WWOX: variants seen among roughly 807,000 people sequenced by gnomAD.
WWOX encodes the protein WW domain-containing oxidoreductase.
In WWOX, 69 loss-of-function variants were observed where a neutral mutation model predicts 46.2. The observed-to-expected ratio is 1.49, with a 90% confidence interval of 1.23 to 1.82. The LOEUF (loss-of-function observed/expected upper bound fraction) is 1.82. WWOX is among the 40% of genes most tolerant of loss of function. The pLI is 0.00. For missense variants in WWOX, 919 were observed against 542.6 expected (o/e 1.69, Z -6.89); for synonymous variants, 359 against 202.6 (o/e 1.77, Z -6.56).
intron 8 of WWOX, among the ~76,000 whole-genome samples, chr16:78,649,956 T>C (rs73565252): frequency 0.058 from 8,820 of 152,308 alleles, 299 homozygotes; most frequent in Non-Finnish European, 0.077. Flanking sequence ...GATTCATTTC[T>C]CTTATCTGTA....
chr16:78,787,049 G>A (rs2050474977), intron 8 of WWOX, among the ~76,000 whole-genome samples: 1 of 152,188 alleles, frequency 6.6e-6, no homozygotes, highest in African/African-American at 2.4e-5. Context: ...TCAGGAGGCT[G>A]AGGCAGGAGA....
At chr16:78,584,259 G>T (rs1427719068) in intron 8 of WWOX, among the ~76,000 whole-genome samples, 2 of 152,174 alleles carry the variant, frequency 1.3e-5, no homozygotes, top group Non-Finnish European at 2.9e-5. Flanking sequence ...AACATTGTAA[G>T]AAGTGCTTTA....
intron 8 of WWOX, among the ~76,000 whole-genome samples, chr16:78,630,553 AT>A (rs1423706104): frequency 6.6e-6 from 1 of 152,174 alleles, no homozygotes; most frequent in Non-Finnish European, 1.5e-5. Context: ...TTCACAGCTC[AT>A]TTCTGGGGGA....
At chr16:78,437,265 G>T (rs767589577) in intron 8 of WWOX, among the ~76,000 whole-genome samples, 1 of 152,166 alleles carries the variant, frequency 6.6e-6, no homozygotes, top group African/African-American at 2.4e-5. Context: ...GGTGATTTTA[G>T]TTACAGTAAT....
At chr16:78,440,964 A>T (rs967325061) in intron 8 of WWOX, among the ~76,000 whole-genome samples, 3 of 150,982 alleles carry the variant, frequency 2.0e-5, no homozygotes, top group Non-Finnish European at 4.4e-5. Context: ...TTTTTTTGAG[A>T]TGAAGTCTTG....
chr16:78,492,961 A>C (rs1211048589), intron 8 of WWOX, among the ~76,000 whole-genome samples: 1 of 152,160 alleles, frequency 6.6e-6, no homozygotes, highest in African/African-American at 2.4e-5. Flanking sequence ...TACTACTCCA[A>C]GTAGTCATTA....
At chr16:78,948,605 C>T (rs1232951585) in intron 8 of WWOX, among the ~76,000 whole-genome samples, 1 of 152,012 alleles carries the variant, frequency 6.6e-6, no homozygotes. Flanking sequence ...CCTTGTGGTC[C>T]TGCTTGTCTG....
At chr16:78,839,382 A>C (rs2052077681) in intron 8 of WWOX, among the ~76,000 whole-genome samples, 2 of 152,214 alleles carry the variant, frequency 1.3e-5, no homozygotes, top group African/African-American at 2.4e-5. Context: ...GAGAGGTCCA[A>C]AGGCTTTGCT....
chr16:78,584,688 A>G (rs1430748098), intron 8 of WWOX, among the ~76,000 whole-genome samples: 1 of 152,210 alleles, frequency 6.6e-6, no homozygotes, highest in African/African-American at 2.4e-5. Flanking sequence ...GGAATTTTCC[A>G]TGTGAGAGAA....
At chr16:78,679,766 C>T (rs1205304508) in intron 8 of WWOX, among the ~76,000 whole-genome samples, 1 of 152,212 alleles carries the variant, frequency 6.6e-6, no homozygotes, top group Admixed American at 6.5e-5. Context: ...CAAACATCTT[C>T]TCATTGATGG....
intron 8 of WWOX, among the ~76,000 whole-genome samples, chr16:78,968,063 G>A (rs1460909974): frequency 6.6e-6 from 1 of 151,834 alleles, no homozygotes; most frequent in African/African-American, 2.4e-5. Flanking sequence ...ATGGCACAGT[G>A]TGTGGTCTGT....
chr16:78,542,139 C>G (rs537877693), intron 8 of WWOX, among the ~76,000 whole-genome samples: 2 of 149,800 alleles, frequency 1.3e-5, no homozygotes, highest in African/African-American at 2.4e-5. Context: ...AAATTTCTAT[C>G]GACACTAGAC....
chr16:78,331,821 CTTTA>C (rs5818126), intron 5 of WWOX, among the ~76,000 whole-genome samples: 12,410 of 152,226 alleles, frequency 0.082, 718 homozygotes, highest in East Asian at 0.27. Context: ...GCATTCATTG[CTTTA>C]TTTAATTCTT....
chr16:78,118,657 G>C (rs966002783), intron 4 of WWOX, among the ~76,000 whole-genome samples: 1 of 152,064 alleles, frequency 6.6e-6, no homozygotes. Flanking sequence ...CATCTAGCTC[G>C]CAAAACTGTA....
chr16:78,714,194 C>A (rs527609135), intron 8 of WWOX, among the ~76,000 whole-genome samples: 3 of 152,252 alleles, frequency 2.0e-5, no homozygotes, highest in African/African-American at 7.2e-5. Flanking sequence ...TTAGTCTATT[C>A]TCACACTGCT....
At chr16:78,427,068 G>A (rs1260922161) in intron 7 of WWOX, among the ~76,000 whole-genome samples, 1 of 152,204 alleles carries the variant, frequency 6.6e-6, no homozygotes, top group Non-Finnish European at 1.5e-5. Context: ...TGAGCGTGGT[G>A]ACTTGGTGCG....
chr16:78,301,210 C>T (rs1483925429), intron 5 of WWOX, among the ~76,000 whole-genome samples: 1 of 152,166 alleles, frequency 6.6e-6, no homozygotes. Context: ...TAGTCCATAA[C>T]AAGATTTACT....
rs138607123 is a variant in WWOX at position 79,087,332 on chromosome 16, G to A, written c.1057-124276G>A. On this transcript the variant is annotated intron_variant, in intron 8 of 8. Transcript: ENST00000566780. ...TCTTCCTGTGTTGAGCAGGGAAGAA[G>A]CTGAAGCTAGCATGGGCAGGGGAGA... 9.3e-4 allele frequency among the ~76,000 whole-genome samples: 142 copies of A among 152,340 alleles called. 4 individuals carry two copies. The East Asian group carries it at 0.026, about 28-fold the overall frequency.
intron 8 of WWOX, among the ~76,000 whole-genome samples, chr16:78,610,630 T>C (rs1319918493): frequency 6.6e-6 from 1 of 152,198 alleles, no homozygotes; most frequent in Non-Finnish European, 1.5e-5. Flanking sequence ...TTTATATCTG[T>C]TGCCCCTTCT....
Sources: gnomAD v4.1 joint callset for allele counts (sites outside exome capture counted in the v4.1 genomes callset) on GRCh38, gnomAD v4.1.1 for gene constraint, MANE v1.5 for transcripts, NCBI Gene and HGNC (gene_info 2026-07-23, HGNC 2026-07-21) for gene names.